SLC26A2: variants seen among roughly 807,000 people sequenced by gnomAD.
SLC26A2 encodes the protein solute carrier family 26 member 2, also known as sulfate transporter.
SLC26A2 carries 36 observed loss-of-function variants against 41.1 expected under a neutral mutation model. The observed-to-expected ratio is 0.88, with a 90% confidence interval of 0.67 to 1.16. SLC26A2 has a LOEUF of 1.16. SLC26A2 is among the 50% of genes most tolerant of loss of function. The pLI is 0.00. For missense variants in SLC26A2, 796 were observed against 869.6 expected, an observed-to-expected ratio of 0.92 and a Z score of 1.07; for synonymous variants, 291 against 311.6, an observed-to-expected ratio of 0.93 and a Z score of 0.70.
chr5:149,973,459 GTCTC>G (rs1192638319), intron 1 of SLC26A2, among the ~76,000 whole-genome samples: 5 of 151,570 alleles, frequency 3.3e-5, no homozygotes, highest in Non-Finnish European at 7.4e-5. Flanking sequence ...CTCTCTGTGT[GTCTC>G]TCTCTGTGTT....
Position 149,980,506 on chromosome 5 carries a change from C to CTTATCACCAGCCTT in SLC26A2, c.916_929dup (p.Cys311SerfsTer36), listed in dbSNP as rs1454706390. 6.2e-7 allele frequency: 1 copy of CTTATCACCAGCCTT among 1,614,132 alleles called. No individual in the cohort carries two copies. Among genetic ancestry groups the CTTATCACCAGCCTT allele is most frequent in the Admixed American group, 1.7e-5 (1 of 60,018 alleles). ...CATCCATAAGACCAATCTCTGTGAT[C>CTTATCACCAGCCTT]TTATCACCAGCCTTTTGTGCCTTTT... On this transcript the variant is annotated frameshift_variant, in exon 3 of 3. Transcript: ENST00000286298. LOFTEE classifies it high-confidence loss of function.
chr5:149,980,919 G>A lies in SLC26A2; in HGVS notation c.1326G>A (p.Lys442=). 1 of 1,614,126 alleles carries A rather than the reference G, an allele frequency of 6.2e-7. No individual in the cohort carries two copies. The highest frequency in any genetic ancestry group is 8.5e-7 in the Non-Finnish European group (1 of 1,180,016). Residue 442 remains lysine (K), a synonymous_variant, in exon 3 of 3, where the codon AAG becomes AAA. Coordinates refer to ENST00000286298, the MANE Select transcript of SLC26A2 (RefSeq NM_000112.4). ...HCFTTSAALA[K]TLVKESTGCH... Reference sequence around the variant, plus strand: ...TTACTACTAGTGCAGCTCTTGCAAAGACATTGGTTAAAGAATCAACAGGCT... The same window carrying A: ...TTACTACTAGTGCAGCTCTTGCAAAAACATTGGTTAAAGAATCAACAGGCT...
In SLC26A2 at chr5:149,982,601, C is replaced by T. The variant is rs1755129544; in HGVS notation, c.*788C>T. On this transcript the variant is annotated 3_prime_UTR_variant, in exon 3 of 3. Coordinates refer to ENST00000286298, the MANE Select transcript of SLC26A2 (RefSeq NM_000112.4). Reference sequence around the variant, plus strand: ...GTGATCTCTGTCCTTGTTTCTGAGACTTTCTCTACCATTAAGCTCTATTTT... The same window carrying T: ...GTGATCTCTGTCCTTGTTTCTGAGATTTTCTCTACCATTAAGCTCTATTTT... 1 of 152,158 alleles carries T rather than the reference C, an allele frequency of 6.6e-6. No individual in the cohort carries two copies. The highest frequency in any genetic ancestry group is 1.5e-5 in the Non-Finnish European group (1 of 68,028). 9.4% of individuals were successfully genotyped at this position (152,158 alleles called of 1,614,324 possible).
In SLC26A2 at chr5:149,980,536, CT is replaced by C; in HGVS notation, c.947del (p.Leu316CysfsTer26). 1 of 1,614,150 alleles carries C rather than the reference CT, an allele frequency of 6.2e-7. No homozygotes were observed. The highest frequency in any genetic ancestry group is 8.5e-7 in the Non-Finnish European group (1 of 1,180,004). The part of the protein sequence containing the change: ...LITSLLCLLV[L>X]LPTKELNEHF... ...CACCAGCCTTTTGTGCCTTTTGGTT[CT>C]TTTGCCAACCAAAGAACTCAATGAA... is the stretch of plus-strand genomic sequence containing the variant. On this transcript the variant is annotated frameshift_variant, in exon 3 of 3. Coordinates refer to ENST00000286298, the MANE Select transcript of SLC26A2 (RefSeq NM_000112.4). LOFTEE classifies it high-confidence loss of function.
In SLC26A2 at chr5:149,981,264, G is replaced by A; in HGVS notation, c.1671G>A (p.Val557=). Residue 557 remains valine, a synonymous_variant, in exon 3 of 3, where the codon GTG becomes GTA. Transcript: ENST00000286298. Reference sequence around the variant, plus strand: ...CAAAGAGTTCACTGCTTGGCTTGGTGGAAGAGTCTGAGGTCTTTGAATCTG... The same window carrying A: ...CAAAGAGTTCACTGCTTGGCTTGGTAGAAGAGTCTGAGGTCTTTGAATCTG... ...QKPKSSLLGL[V]EESEVFESVS... 6.2e-7 allele frequency: 1 copy of A among 1,614,166 alleles called. No individual in the cohort carries two copies. The highest frequency in any genetic ancestry group is 8.5e-7 in the Non-Finnish European group (1 of 1,180,022).
chr5:149,976,688 A>G (rs371635669), intron 1 of SLC26A2, among the ~76,000 whole-genome samples: 11 of 152,032 alleles, frequency 7.2e-5, no homozygotes, highest in African/African-American at 1.5e-4. Context: ...TTGTTTTCCT[A>G]TAGTTCCTCA....
chr5:149,963,524 G>C (rs1202436045), intron 1 of SLC26A2, among the ~76,000 whole-genome samples: 1 of 151,692 alleles, frequency 6.6e-6, no homozygotes, highest in Non-Finnish European at 1.5e-5. Context: ...TGATCCGCCT[G>C]CCTCCGCCTC....
At chr5:149,974,795 G>A (rs931751093) in intron 1 of SLC26A2, among the ~76,000 whole-genome samples, 19 of 141,152 alleles carry the variant, frequency 1.3e-4, no homozygotes, top group Admixed American at 1.1e-3. Context: ...GCGTGATCTC[G>A]GCTCACTGCA....
rs1443234629 is a variant in SLC26A2 at position 149,980,634 on chromosome 5, T to C, written c.1041T>C (p.Ser347=). The change falls in exon 3 of 3, where the codon TCT becomes TCC. Residue 347 remains serine (S), a synonymous_variant. Transcript: ENST00000286298. ...TTGTTGTAGCAGCCACATTAGCCTCTCATTTTGGAAAACTACATGAAAATT... is the reference window on the plus strand; with the variant it reads ...TTGTTGTAGCAGCCACATTAGCCTCCCATTTTGGAAAACTACATGAAAATT... ...LVVVVAATLA[S]HFGKLHENYN... is the part of the protein sequence containing the mutation. 6.2e-7 allele frequency: 1 copy of C among 1,614,108 alleles called. No individual in the cohort carries two copies. Among genetic ancestry groups the C allele is most frequent in the Non-Finnish European group, 8.5e-7 (1 of 1,179,952 alleles).
At position 149,978,064 on chromosome 5, in the gene SLC26A2, G is replaced by C. The variant is rs1755026801; in HGVS notation, c.412G>C (p.Val138Leu). The change falls in exon 2 of 3, where the codon GTC becomes CTC. Residue 138 changes from valine (V) to leucine (L), a missense_variant. Val to Leu is a conservative substitution (Grantham distance 32, BLOSUM62 1). Coordinates refer to ENST00000286298, the MANE Select transcript of SLC26A2 (RefSeq NM_000112.4). ...AYSLLAGQEP[V>L]YGLYTSFFAS... ...TTCCCTGCTGGCTGGCCAAGAACCT[G>C]TCTATGGTCTGTACACATCTTTTTT... 2 of 1,612,604 alleles carry C rather than the reference G, an allele frequency of 1.2e-6. No individual in the cohort carries two copies. Among genetic ancestry groups the C allele is most frequent in the African/African-American group, 2.7e-5 (2 of 74,812 alleles).
Position 149,981,039 on chromosome 5 carries a change from C to T in SLC26A2, c.1446C>T (p.Val482=). ...APLFYSLQKS[V]LGVITIVNLR... ...TGTTCTATTCCCTTCAAAAAAGTGT[C>T]CTTGGTGTGATCACAATTGTAAATC... Residue 482 remains valine (V), a synonymous_variant, in exon 3 of 3, where the codon GTC becomes GTT. Transcript: ENST00000286298. The T allele has an allele frequency of 6.2e-7, 1 of 1,614,118 alleles. No individual in the cohort carries two copies. Among genetic ancestry groups the T allele is most frequent in the Non-Finnish European group, 8.5e-7 (1 of 1,180,018 alleles).
chr5:149,967,376 GC>G (rs1475694804), intron 1 of SLC26A2, among the ~76,000 whole-genome samples: 16 of 152,022 alleles, frequency 1.1e-4, no homozygotes, highest in African/African-American at 3.6e-4. Flanking sequence ...ATCTCCTCAT[GC>G]CCCTTTGTAA....
Position 149,977,762 on chromosome 5 carries a change from CT to C in SLC26A2, c.111del (p.Asp38ThrfsTer51), listed in dbSNP as rs1395122785. On this transcript the variant is annotated frameshift_variant, in exon 2 of 3. Coordinates refer to ENST00000286298, the MANE Select transcript of SLC26A2 (RefSeq NM_000112.4). LOFTEE classifies it high-confidence loss of function. ...IHLELQRESS[T>X]DFKQFETNDQ... ...CTGGAACTTCAAAGGGAATCAAGTA[CT>C]GACTTCAAGCAATTTGAGACCAATG... 6.2e-7 allele frequency: 1 copy of C among 1,613,762 alleles called. No individual in the cohort carries two copies. The highest frequency in any genetic ancestry group is 2.2e-5 in the East Asian group (1 of 44,882).
intron 1 of SLC26A2, among the ~76,000 whole-genome samples, chr5:149,976,575 T>C (rs1754996165): frequency 6.6e-6 from 1 of 152,254 alleles, no homozygotes; most frequent in Non-Finnish European, 1.5e-5. Context: ...ACAATTTATG[T>C]TCTATTCCTT....
Position 149,981,190 on chromosome 5 carries a change from G to C in SLC26A2, c.1597G>C (p.Val533Leu). The change falls in exon 3 of 3, where the codon GTT (valine) becomes CTT (leucine). Residue 533 changes from valine to leucine, a missense_variant. By Grantham distance (32) the Val-to-Leu change is conservative. Coordinates refer to ENST00000286298, the MANE Select transcript of SLC26A2 (RefSeq NM_000112.4). ...GCTAAGTACTGAAATAGGCCTACTT[G>C]TTGGGGTTTGTTTTTCTATATTTTG... ...ALLSTEIGLLVGVCFSIFCVI... is the reference protein window; with the variant it reads ...ALLSTEIGLLLGVCFSIFCVI... 6.2e-7 allele frequency: 1 copy of C among 1,614,142 alleles called. No individual in the cohort carries two copies. Among genetic ancestry groups the C allele is most frequent in the Admixed American group, 1.7e-5 (1 of 60,014 alleles).
chr5:149,978,527 A>G (rs916481680), intron 2 of SLC26A2, among the ~76,000 whole-genome samples, 176 bp downstream of exon 2: 3 of 152,206 alleles, frequency 2.0e-5, no homozygotes, highest in Non-Finnish European at 4.4e-5. Context: ...CAGGTAATAT[A>G]AGGCTGGTTC....
Position 149,978,305 on chromosome 5 carries a change from C to G in SLC26A2, c.653C>G (p.Ala218Gly). 1 of 1,613,856 alleles carries G rather than the reference C, an allele frequency of 6.2e-7. No individual in the cohort carries two copies. The highest frequency in any genetic ancestry group is 1.1e-5 in the South Asian group (1 of 91,080). The change falls in exon 2 of 3, where the codon GCA becomes GGA. Residue 218 changes from alanine (A) to glycine (G), a missense_variant. Transcript: ENST00000286298. ...AGGATATGTGACAAAAGTTGCTATG[C>G]AATTATGGTTGGCAGCACTGTAACC... ...SDRICDKSCY[A>G]IMVGSTVTFI...
rs1755187392 is a variant in SLC26A2 at position 149,985,704 on chromosome 5, T to G, written c.*3891T>G. On this transcript the variant is annotated 3_prime_UTR_variant, in exon 3 of 3. Coordinates refer to ENST00000286298, the MANE Select transcript of SLC26A2 (RefSeq NM_000112.4). ...TCCTTATTGTTCTTAATTGTGTTTC[T>G]CTACGTATTGTTACAGATGAGCCAT... 1 of 152,212 alleles carries G rather than the reference T, an allele frequency of 6.6e-6. No homozygotes were observed. Among genetic ancestry groups the G allele is most frequent in the Non-Finnish European group, 1.5e-5 (1 of 68,042 alleles). 9.4% of individuals were successfully genotyped at this position (152,212 alleles called of 1,614,324 possible).
rs577187084 is a variant in SLC26A2, at chr5:149,982,500, G to A, written c.*687G>A. 2.0e-4 allele frequency: 31 copies of A among 152,238 alleles called. No homozygotes were observed. Among genetic ancestry groups the A allele is most frequent in the African/African-American group, 7.2e-4 (30 of 41,552 alleles). 9.4% of individuals were successfully genotyped at this position (152,238 alleles called of 1,614,324 possible). On this transcript the variant is annotated 3_prime_UTR_variant, in exon 3 of 3. Transcript: ENST00000286298. ...TGGAAATTTTTACTCATGCCTTTTT[G>A]TTTAGGATAAATAGGTAAGCACAAA...
Sources: gnomAD v4.1 joint callset for allele counts (sites outside exome capture counted in the v4.1 genomes callset) on GRCh38, gnomAD v4.1.1 for gene constraint, MANE v1.5 for transcripts, NCBI Gene and HGNC (gene_info 2026-07-23, HGNC 2026-07-21) for gene names.